The following SNX29 variants were observed in gnomAD, a reference collection of about 807,000 sequenced individuals.
SNX29 encodes sorting nexin-29.
Under a neutral mutation model 102.1 loss-of-function variants are expected in SNX29, and 78 were observed. The observed-to-expected ratio is 0.76, with a 90% CI of 0.64 to 0.92. The LOEUF is 0.92. Among genes scored for constraint, SNX29 ranks in the 40% least tolerant of loss-of-function variants. SNX29 has a pLI of 0.00. For missense variants in SNX29, 1,280 were observed against 1,061.7 expected (o/e 1.21, Z -2.86); for synonymous variants, 580 against 414.5 (o/e 1.40, Z -4.85).
At chr16:12,188,745 G>C (rs967516553) in intron 13 of SNX29, among the ~76,000 whole-genome samples, 1 of 152,128 alleles carries the variant, frequency 6.6e-6, no homozygotes, top group Non-Finnish European at 1.5e-5. Flanking sequence ...GCTTTTTACA[G>C]CTCCATTTTC....
intron 15 of SNX29, among the ~76,000 whole-genome samples, chr16:12,341,276 C>T (rs770594231): frequency 6.6e-6 from 1 of 152,174 alleles, no homozygotes; most frequent in Non-Finnish European, 1.5e-5. Flanking sequence ...ATTTGTATGA[C>T]CTTGAACAAA....
intron 14 of SNX29, among the ~76,000 whole-genome samples, chr16:12,269,514 A>G (rs1389302740): frequency 6.6e-6 from 1 of 152,206 alleles, no homozygotes; most frequent in Non-Finnish European, 1.5e-5. Context: ...TGCTTAAAGC[A>G]CAATGTAAGT....
chr16:12,226,805 C>T (rs932891363), intron 14 of SNX29, among the ~76,000 whole-genome samples: 17 of 152,010 alleles, frequency 1.1e-4, no homozygotes, highest in African/African-American at 2.7e-4. Context: ...CTCGAACTCC[C>T]GACCTTAGAT....
chr16:12,547,598 C>G (rs985789150), intron 20 of SNX29, among the ~76,000 whole-genome samples: 9 of 152,070 alleles, frequency 5.9e-5, no homozygotes, highest in African/African-American at 1.9e-4. Context: ...TACACCCCCA[C>G]GAAGTCAGCC....
chr16:12,519,667 T>G (rs142851581), intron 19 of SNX29, among the ~76,000 whole-genome samples: 75 of 152,336 alleles, frequency 4.9e-4, no homozygotes, highest in African/African-American at 1.7e-3. Flanking sequence ...TGGAGATTCA[T>G]TAAAATTTGT....
chr16:12,441,152 A>G (rs1010045482), intron 18 of SNX29, among the ~76,000 whole-genome samples: 6 of 131,840 alleles, frequency 4.6e-5, no homozygotes, highest in East Asian at 4.4e-4. Context: ...CAGTGGCGCT[A>G]TCTCGGCTCA....
chr16:12,322,134 G>A (rs1049180519), intron 15 of SNX29, among the ~76,000 whole-genome samples: 1 of 152,206 alleles, frequency 6.6e-6, no homozygotes, highest in Non-Finnish European at 1.5e-5. Context: ...CCTACCTGCA[G>A]GTTGAGAACA....
chr16:12,552,564 G>C (rs963089387), intron 20 of SNX29, among the ~76,000 whole-genome samples: 2 of 152,116 alleles, frequency 1.3e-5, no homozygotes, highest in African/African-American at 4.8e-5. Flanking sequence ...ACACAGGCCA[G>C]CCAAGTTGCT....
At chr16:12,337,855 C>T (rs1217588298) in intron 15 of SNX29, among the ~76,000 whole-genome samples, 2 of 152,102 alleles carry the variant, frequency 1.3e-5, no homozygotes, top group Non-Finnish European at 2.9e-5. Flanking sequence ...CTCTTTATGT[C>T]CTGGGTATAA....
At chr16:12,087,739 A>C (rs1266877088) in intron 11 of SNX29, 2 of 411,944 alleles carry the variant, frequency 4.9e-6, no homozygotes, top group East Asian at 1.4e-4. Flanking sequence ...TGAGAAAGTC[A>C]CTGAGGCAGA....
intron 20 of SNX29, among the ~76,000 whole-genome samples, chr16:12,561,376 A>G (rs12925894): frequency 0.26 from 38,888 of 151,948 alleles, 5,420 homozygotes; most frequent in East Asian, 0.44. Flanking sequence ...AGGTCGTGGA[A>G]GATGCTGGCC....
intron 13 of SNX29, among the ~76,000 whole-genome samples, chr16:12,192,592 G>T (rs954633831): frequency 7.2e-5 from 11 of 152,186 alleles, no homozygotes; most frequent in African/African-American, 2.6e-4. Context: ...GCTCACTGCA[G>T]CCTGCAACTC....
chr16:12,376,767 C>T lies in SNX29; in HGVS notation c.1899+20488C>T, dbSNP rs934037326. Among the ~76,000 whole-genome samples the T allele has an allele frequency of 2.9e-5, 4 of 138,714 alleles. No homozygotes were observed. The Admixed American group carries it at 2.9e-4, about 10-fold the overall frequency. The allele number at this position is 138,714 out of a possible 152,430, so 91.0% of individuals were successfully genotyped here. A position where few individuals can be genotyped will look rare whatever the true frequency, so the allele number is the denominator to read the frequency against. On this transcript the variant is annotated intron_variant, in intron 16 of 20. Coordinates refer to ENST00000566228, the MANE Select transcript of SNX29 (RefSeq NM_032167.5). ...AAAAAAAAAAAAAAAAAGAACAATT[C>T]TATGGCAGGAGTTTCTGCAGACTGA...
At chr16:12,057,286 T>C (rs2050559889) in intron 8 of SNX29, among the ~76,000 whole-genome samples, 1 of 152,196 alleles carries the variant, frequency 6.6e-6, no homozygotes, top group Non-Finnish European at 1.5e-5. Flanking sequence ...GCCCATCATA[T>C]TTGCGGAGAC....
rs1438773532 is a variant in SNX29, at chr16:12,571,450, A to G, written c.*2821A>G. ...GATTACTCGGAGATTTTCAAACAAC[A>G]TCTGAGAACAGAAGCCCCCTCCCCT... On this transcript the variant is annotated 3_prime_UTR_variant, in exon 21 of 21. Transcript: ENST00000566228. 1 of 238,938 alleles carries G rather than the reference A, an allele frequency of 4.2e-6. No homozygotes were observed. Among genetic ancestry groups the G allele is most frequent in the Admixed American group, 5.7e-5 (1 of 17,670 alleles). The allele number at this position is 238,938 out of a possible 1,614,324, so 14.8% of individuals were successfully genotyped here.
At chr16:12,448,034 G>A (rs1008033283) in intron 18 of SNX29, among the ~76,000 whole-genome samples, 1 of 152,134 alleles carries the variant, frequency 6.6e-6, no homozygotes, top group Non-Finnish European at 1.5e-5. Flanking sequence ...GGCGTTCCCG[G>A]GATTGTGCTG....
rs3803607 is a variant in SNX29 at position 12,572,582 on chromosome 16, C to G, written c.*3953C>G. On this transcript the variant is annotated 3_prime_UTR_variant, in exon 21 of 21. Transcript: ENST00000566228. ...TCACAGGGAGGTCCAGCCATGTTCTCTGGGCTCCCAGTGAGCCCCCTCCCC... is the reference window on the plus strand; with the variant it reads ...TCACAGGGAGGTCCAGCCATGTTCTGTGGGCTCCCAGTGAGCCCCCTCCCC... 246,068 of 1,063,734 alleles carry G rather than the reference C, an allele frequency of 0.23. 29,124 individuals are homozygous for G. Among genetic ancestry groups the G allele is most frequent in the East Asian group, 0.44 (8,725 of 19,960 alleles). The allele number at this position is 1,063,734 out of a possible 1,614,324, so 65.9% of individuals were successfully genotyped here.
At chr16:12,044,034 G>A (rs763546779) in intron 5 of SNX29, among the ~76,000 whole-genome samples, 13 of 152,214 alleles carry the variant, frequency 8.5e-5, no homozygotes, top group East Asian at 1.9e-4. Context: ...GGTTACAGGC[G>A]TGAGCCACTG....
chr16:12,294,292 G>A (rs973144697), intron 15 of SNX29, among the ~76,000 whole-genome samples: 1 of 152,202 alleles, frequency 6.6e-6, no homozygotes, highest in African/African-American at 2.4e-5. Context: ...TGAGGTGCCT[G>A]CTGTGATGGG....
Sources: allele counts gnomAD v4.1 joint callset (sites outside exome capture counted in the v4.1 genomes callset), GRCh38; gene constraint gnomAD v4.1.1; transcripts MANE v1.5; gene names NCBI Gene and HGNC (gene_info 2026-07-23, HGNC 2026-07-21).